ATG4C: variants seen among roughly 807,000 people sequenced by gnomAD.
ATG4C encodes the protein cysteine protease ATG4C.
Under a neutral mutation model 57.6 loss-of-function variants are expected in ATG4C, and 56 were observed. That is an observed-to-expected ratio of 0.97 (90% CI 0.78 to 1.21). ATG4C has a LOEUF of 1.21. Among genes scored for constraint, ATG4C ranks in the 50% most tolerant of loss-of-function variants. The pLI, the probability that ATG4C is intolerant of heterozygous loss-of-function variation, is 0.00. For missense variants in ATG4C, 595 were observed against 529.8 expected (o/e 1.12, Z -1.21); for synonymous variants, 157 against 174.1 (o/e 0.90, Z 0.78).
intron 6 of ATG4C, among the ~76,000 whole-genome samples, chr1:62,821,946 G>A (rs1325671116): frequency 6.6e-6 from 1 of 152,024 alleles, no homozygotes; most frequent in African/African-American, 2.4e-5. Flanking sequence ...GCAGTCACAT[G>A]TAGAATTTTT....
chr1:62,815,094 G>A (rs1042875724), intron 3 of ATG4C, among the ~76,000 whole-genome samples: 1 of 151,804 alleles, frequency 6.6e-6, no homozygotes, highest in Non-Finnish European at 1.5e-5. Context: ...ATAAATAAAT[G>A]TGTTTAAACC....
At chr1:62,791,070 T>C (rs1267719382) in intron 1 of ATG4C, among the ~76,000 whole-genome samples, 1 of 152,242 alleles carries the variant, frequency 6.6e-6, no homozygotes, top group Non-Finnish European at 1.5e-5. Flanking sequence ...TGTGATATTA[T>C]TCATGTGTGA....
chr1:62,853,428 C>T (rs569789164), intron 10 of ATG4C, among the ~76,000 whole-genome samples: 10 of 152,262 alleles, frequency 6.6e-5, no homozygotes, highest in African/African-American at 2.2e-4. Flanking sequence ...GGAGCACTAA[C>T]GTGTTAGCTA....
At chr1:62,796,450 T>C (rs548520307) in intron 1 of ATG4C, among the ~76,000 whole-genome samples, 1 of 152,246 alleles carries the variant, frequency 6.6e-6, no homozygotes, top group South Asian at 2.1e-4. Context: ...GGGAATTAAA[T>C]TGAGGAAGTT....
rs188239226 is a variant in ATG4C, at chr1:62,796,494, G to A, written c.-68-7225G>A. On this transcript the variant is annotated intron_variant, in intron 1 of 10. Transcript: ENST00000317868. ...ACATGACTAAATAGCTGAATCTGAT[G>A]TCTTTAAGAACCACAAGAATAAGGT... Among the ~76,000 whole-genome samples the A allele has an allele frequency of 1.3e-3, 203 of 152,066 alleles. 2 individuals are homozygous for A. Among genetic ancestry groups the A allele is most frequent in the African/African-American group, 4.3e-3 (177 of 41,514 alleles).
intron 6 of ATG4C, among the ~76,000 whole-genome samples, chr1:62,821,593 C>T (rs1487762274): frequency 6.6e-6 from 1 of 152,056 alleles, no homozygotes; most frequent in Non-Finnish European, 1.5e-5. Flanking sequence ...CTCACTAATA[C>T]TTCAGTAAAT....
intron 10 of ATG4C, among the ~76,000 whole-genome samples, chr1:62,860,317 C>T (rs1460539183): frequency 6.6e-6 from 1 of 152,150 alleles, no homozygotes; most frequent in African/African-American, 2.4e-5. Flanking sequence ...TGAGTACACT[C>T]TAAAATAATA....
chr1:62,785,251 G>T (rs910762636), intron 1 of ATG4C: 2 of 152,172 alleles, frequency 1.3e-5, no homozygotes, highest in African/African-American at 4.8e-5. Flanking sequence ...GAGTGGAAAG[G>T]CTTTGAAAGG....
chr1:62,816,287 G>T (rs562854778), intron 3 of ATG4C, among the ~76,000 whole-genome samples: 30 of 151,848 alleles, frequency 2.0e-4, no homozygotes, highest in Non-Finnish European at 3.7e-4. Flanking sequence ...AGTTAATTAT[G>T]TATAGAATAT....
At chr1:62,838,493 A>C (rs1474206693) in intron 9 of ATG4C, among the ~76,000 whole-genome samples, 1 of 152,154 alleles carries the variant, frequency 6.6e-6, no homozygotes, top group Non-Finnish European at 1.5e-5. Context: ...AAATGATATG[A>C]ATGGCCAGGC....
At chr1:62,846,788 T>G (rs1271477006) in intron 10 of ATG4C, among the ~76,000 whole-genome samples, 1 of 152,208 alleles carries the variant, frequency 6.6e-6, no homozygotes, top group Non-Finnish European at 1.5e-5. Flanking sequence ...GAGACACTAT[T>G]GTTACTTCAG....
intron 3 of ATG4C, among the ~76,000 whole-genome samples, chr1:62,814,964 C>CTGAG (rs551686654): frequency 4.5e-4 from 69 of 152,220 alleles, no homozygotes; most frequent in Non-Finnish European, 8.7e-4. Flanking sequence ...ACTCAGGAGG[C>CTGAG]TGAGGCACAA....
intron 10 of ATG4C, among the ~76,000 whole-genome samples, chr1:62,860,527 A>G (rs1666819471): frequency 6.6e-6 from 1 of 152,232 alleles, no homozygotes; most frequent in Non-Finnish European, 1.5e-5. Context: ...TTATTATCTT[A>G]TAGGACCACT....
At chr1:62,785,843 C>T (rs942143035) in intron 1 of ATG4C, among the ~76,000 whole-genome samples, 1 of 151,330 alleles carries the variant, frequency 6.6e-6, no homozygotes, top group African/African-American at 2.4e-5. Context: ...AGATTTGGGG[C>T]GAAATATATT....
At chr1:62,858,582 G>A (rs947444505) in intron 10 of ATG4C, among the ~76,000 whole-genome samples, 33 of 152,136 alleles carry the variant, frequency 2.2e-4, no homozygotes, top group African/African-American at 8.0e-4. Flanking sequence ...GTGGAAATAA[G>A]TAGAATCAAT....
chr1:62,809,016 T>A (rs1664976141), intron 3 of ATG4C, among the ~76,000 whole-genome samples: 1 of 152,166 alleles, frequency 6.6e-6, no homozygotes, highest in Non-Finnish European at 1.5e-5. Flanking sequence ...CACTGCAGCC[T>A]TGACCTCCCT....
In ATG4C at chr1:62,821,224, T is replaced by C; in HGVS notation, c.796+15T>C. On this transcript the variant is annotated intron_variant, in intron 6 of 10. Coordinates refer to ENST00000317868, the MANE Select transcript of ATG4C (RefSeq NM_032852.4). ...AGATTGTACAGGTAAGGAATGTATA[T>C]AATTCTAATCTTTGTTTTATTTGGT... 2 of 1,517,490 alleles carry C rather than the reference T, an allele frequency of 1.3e-6. No homozygotes were observed. Among genetic ancestry groups the C allele is most frequent in the Non-Finnish European group, 1.8e-6 (2 of 1,122,812 alleles). 94.0% of individuals were successfully genotyped at this position (1,517,490 alleles called of 1,614,324 possible).
At chr1:62,857,809 T>C (rs1402072292) in intron 10 of ATG4C, among the ~76,000 whole-genome samples, 2 of 152,222 alleles carry the variant, frequency 1.3e-5, no homozygotes, top group African/African-American at 4.8e-5. Flanking sequence ...CTCTTTCTTT[T>C]TTGCTAAAGA....
At chr1:62,862,209 G>T (rs1230365314) in intron 10 of ATG4C, among the ~76,000 whole-genome samples, 1 of 152,050 alleles carries the variant, frequency 6.6e-6, no homozygotes, top group Non-Finnish European at 1.5e-5. Context: ...GCAAAAAGTA[G>T]ATGCATTTTT....
Sources: allele counts gnomAD v4.1 joint callset (sites outside exome capture counted in the v4.1 genomes callset), GRCh38; gene constraint gnomAD v4.1.1; transcripts MANE v1.5; gene names NCBI Gene and HGNC (gene_info 2026-07-23, HGNC 2026-07-21).